CCDC192: variants seen among roughly 807,000 people sequenced by gnomAD.
CCDC192 encodes coiled-coil domain containing 192, also known as coiled-coil domain-containing protein 192.
chr5:127,713,617 T>TA (rs1191228576), intron 2 of CCDC192, among the ~76,000 whole-genome samples: 1 of 152,172 alleles, frequency 6.6e-6, no homozygotes, highest in South Asian at 2.1e-4. Flanking sequence ...ACATCTGATC[T>TA]AAAAAAATCT....
intron 5 of CCDC192, among the ~76,000 whole-genome samples, chr5:127,839,538 G>C (rs558998790): frequency 8.3e-4 from 126 of 152,030 alleles, no homozygotes; most frequent in African/African-American, 2.8e-3. Context: ...AATGAATACA[G>C]GTCAACTTTT....
intron 6 of CCDC192, among the ~76,000 whole-genome samples, chr5:127,883,197 A>G (rs1752423975): frequency 6.6e-6 from 1 of 152,194 alleles, no homozygotes; most frequent in Non-Finnish European, 1.5e-5. Flanking sequence ...AGAACTTATG[A>G]AAACAAAAGG....
intron 6 of CCDC192, among the ~76,000 whole-genome samples, chr5:127,933,548 G>T (rs7708880): frequency 6.6e-6 from 1 of 152,164 alleles, no homozygotes; most frequent in Admixed American, 6.5e-5. Context: ...TGAGTGATGC[G>T]AGTGGTTAGA....
chr5:127,789,990 C>T (rs1299600769), intron 3 of CCDC192, among the ~76,000 whole-genome samples: 1 of 152,194 alleles, frequency 6.6e-6, no homozygotes, highest in Non-Finnish European at 1.5e-5. Flanking sequence ...GGAGAGATCA[C>T]CATTCTGCAG....
At chr5:127,848,541 A>T (rs993827196) in intron 5 of CCDC192, among the ~76,000 whole-genome samples, 1 of 152,220 alleles carries the variant, frequency 6.6e-6, no homozygotes, top group African/African-American at 2.4e-5. Context: ...ATAACTCTTC[A>T]GGGATTCAAA....
chr5:127,876,798 T>C (rs1752100511), intron 6 of CCDC192, among the ~76,000 whole-genome samples: 1 of 152,212 alleles, frequency 6.6e-6, no homozygotes, highest in Non-Finnish European at 1.5e-5. Context: ...CCTGACTACA[T>C]GGTAAAGCTT....
intron 2 of CCDC192, among the ~76,000 whole-genome samples, chr5:127,711,812 A>AT (rs1191191330): frequency 2.6e-5 from 4 of 152,060 alleles, no homozygotes; most frequent in African/African-American, 9.7e-5. Flanking sequence ...AAATAGGTTA[A>AT]TTTTTTTACC....
At chr5:127,774,475 A>G (rs1369485324) in intron 3 of CCDC192, among the ~76,000 whole-genome samples, 1 of 152,194 alleles carries the variant, frequency 6.6e-6, no homozygotes, top group East Asian at 1.9e-4. Context: ...CATGTTGGTT[A>G]TCCATTTGTG....
At chr5:127,831,651 A>G (rs1472810872) in intron 5 of CCDC192, among the ~76,000 whole-genome samples, 1 of 152,230 alleles carries the variant, frequency 6.6e-6, no homozygotes, top group Non-Finnish European at 1.5e-5. Flanking sequence ...AAATGAATAC[A>G]TAAAGGTAAT....
chr5:127,833,149 CATT>C (rs1408147849), intron 5 of CCDC192, among the ~76,000 whole-genome samples: 1 of 152,170 alleles, frequency 6.6e-6, no homozygotes, highest in African/African-American at 2.4e-5. Flanking sequence ...CCTTCTTTCT[CATT>C]TCGCAGTCCT....
chr5:127,751,394 G>C (rs2126865784), intron 2 of CCDC192, among the ~76,000 whole-genome samples: 1 of 152,054 alleles, frequency 6.6e-6, no homozygotes, highest in Middle Eastern at 3.4e-3. Context: ...GGCTGGATAT[G>C]AAATTCTGGG....
At chr5:127,850,683 G>A (rs541092113) in intron 5 of CCDC192, among the ~76,000 whole-genome samples, 1 of 152,102 alleles carries the variant, frequency 6.6e-6, no homozygotes, top group South Asian at 2.1e-4. Context: ...AAGCAGCAGA[G>A]GGCCAGGTGC....
At chr5:127,736,607 G>T (rs1395464659) in intron 2 of CCDC192, among the ~76,000 whole-genome samples, 6 of 151,820 alleles carry the variant, frequency 4.0e-5, no homozygotes, top group East Asian at 3.8e-4. Flanking sequence ...CAATTTCATA[G>T]CCTGTTATTG....
At chr5:127,854,607 A>G (rs1750977890) in intron 5 of CCDC192, among the ~76,000 whole-genome samples, 1 of 152,148 alleles carries the variant, frequency 6.6e-6, no homozygotes. Flanking sequence ...TCCCCTGCAA[A>G]TAAGGGGTGA....
chr5:127,896,184 AT>A (rs1211847658), intron 6 of CCDC192, among the ~76,000 whole-genome samples: 1 of 152,074 alleles, frequency 6.6e-6, no homozygotes, highest in Non-Finnish European at 1.5e-5. Flanking sequence ...CCCTCCTGCA[AT>A]TCCAACACTT....
chr5:127,805,384 A>G (rs947129028), intron 5 of CCDC192, among the ~76,000 whole-genome samples: 1 of 152,226 alleles, frequency 6.6e-6, no homozygotes, highest in Non-Finnish European at 1.5e-5. Context: ...AGATGTTCTG[A>G]TGTAAAGCTC....
chr5:127,719,554 TATATACACACATAC>T (rs1266767144), intron 2 of CCDC192, among the ~76,000 whole-genome samples: 11,085 of 36,344 alleles, frequency 0.31, 1,144 homozygotes, highest in East Asian at 0.53. Flanking sequence ...TATATATATA[TATATACACACATAC>T]ATATATATAT....
At position 127,797,217 on chromosome 5, in the gene CCDC192, G is replaced by T. The variant is rs531301413; in HGVS notation, c.337G>T (p.Val113Phe). 8 of 398,102 alleles carry T rather than the reference G, an allele frequency of 2.0e-5. No homozygotes were observed. The highest frequency in any genetic ancestry group is 1.6e-4 in the African/African-American group (8 of 48,652). 24.7% of individuals were successfully genotyped at this position (398,102 alleles called of 1,614,324 possible). The change falls in exon 4 of 7, where the codon GTT becomes TTT. Residue 113 changes from valine (V) to phenylalanine (F), a missense_variant. Transcript: ENST00000514853. The part of the protein sequence containing the change: ...EASGGPYEKM[V>F]LVKDQCIQKL... ...CAGTGGGGGACCATATGAAAAAATG[G>T]TTCTTGTGAAAGACCAGGTATGTTG...
At chr5:127,780,329 G>T (rs1377533402) in intron 3 of CCDC192, among the ~76,000 whole-genome samples, 2 of 152,104 alleles carry the variant, frequency 1.3e-5, no homozygotes, top group African/African-American at 4.8e-5. Flanking sequence ...TAAATATCCA[G>T]TAGTGGGGTT....
Sources: gnomAD v4.1 joint callset for allele counts (sites outside exome capture counted in the v4.1 genomes callset) on GRCh38, gnomAD v4.1.1 for gene constraint, MANE v1.5 for transcripts, NCBI Gene and HGNC (gene_info 2026-07-23, HGNC 2026-07-21) for gene names.